The following PKIA variants were observed in gnomAD, a reference collection of about 807,000 sequenced individuals.
PKIA encodes the protein PKI-alpha.
A neutral mutation model predicts 7.6 loss-of-function variants in PKIA; 4 were observed. The observed-to-expected ratio is 0.52, with a 90% CI of 0.26 to 1.20. The LOEUF (loss-of-function observed/expected upper bound fraction) is 1.20. Ranked by LOEUF, PKIA falls within the 50% of genes most tolerant of loss-of-function variation. The probability of loss-of-function intolerance (pLI) is 0.13; values close to 1 mark genes in which losing one functional copy is unlikely to be tolerated. For synonymous variants in PKIA, 21 were observed against 30.7 expected (o/e 0.68, Z 1.04); for missense variants, 73 against 86.2 (o/e 0.85, Z 0.61).
intron 1 of PKIA, among the ~76,000 whole-genome samples, chr8:78,566,115 T>C (rs989525034): frequency 6.6e-6 from 1 of 152,102 alleles, no homozygotes; most frequent in Non-Finnish European, 1.5e-5. Context: ...GGAGAACTGC[T>C]GTTTTGAGAA....
chr8:78,565,684 G>A (rs1322680222), intron 1 of PKIA, among the ~76,000 whole-genome samples: 1 of 151,696 alleles, frequency 6.6e-6, no homozygotes, highest in African/African-American at 2.4e-5. Flanking sequence ...CAACCCTAAA[G>A]TAATTAGGGT....
intron 3 of PKIA, among the ~76,000 whole-genome samples, chr8:78,599,555 T>C (rs1808307019): frequency 6.6e-6 from 1 of 152,150 alleles, no homozygotes; most frequent in African/African-American, 2.4e-5. Context: ...GACTGGTCTT[T>C]TCAAATTCAG....
intron 1 of PKIA, among the ~76,000 whole-genome samples, chr8:78,545,701 G>A (rs1806804112): frequency 2.0e-5 from 3 of 152,066 alleles, no homozygotes; most frequent in African/African-American, 7.2e-5. Context: ...TTCTTGTCAA[G>A]GGAGATTTAA....
intron 1 of PKIA, among the ~76,000 whole-genome samples, chr8:78,529,866 G>A (rs1476453019): frequency 6.8e-6 from 1 of 146,746 alleles, no homozygotes; most frequent in Non-Finnish European, 1.5e-5. Flanking sequence ...GTTAAATCAA[G>A]AAGCAGAGAG....
chr8:78,571,830 G>A (rs756763759), intron 1 of PKIA, among the ~76,000 whole-genome samples: 1 of 152,032 alleles, frequency 6.6e-6, no homozygotes, highest in African/African-American at 2.4e-5. Context: ...TGCCTTTCAG[G>A]GTCATCACTG....
At chr8:78,568,808 AC>A (rs1183414764) in intron 1 of PKIA, among the ~76,000 whole-genome samples, 3 of 152,186 alleles carry the variant, frequency 2.0e-5, no homozygotes, top group South Asian at 4.2e-4. Flanking sequence ...CTCCAGTAAA[AC>A]CCTAATGAAA....
At chr8:78,560,630 G>A (rs1227691579) in intron 1 of PKIA, among the ~76,000 whole-genome samples, 1 of 152,158 alleles carries the variant, frequency 6.6e-6, no homozygotes, top group Non-Finnish European at 1.5e-5. Flanking sequence ...CAGATGGACT[G>A]TGAAGGGACA....
intron 1 of PKIA, among the ~76,000 whole-genome samples, chr8:78,523,985 A>T (rs1265589754): frequency 2.2e-4 from 28 of 126,962 alleles, no homozygotes; most frequent in African/African-American, 6.6e-4. Context: ...TATATTTATA[A>T]ATATATATAA....
intron 1 of PKIA, among the ~76,000 whole-genome samples, chr8:78,566,339 C>T (rs2118536141): frequency 6.6e-6 from 1 of 152,088 alleles, no homozygotes; most frequent in Middle Eastern, 3.4e-3. Flanking sequence ...TGAGTGATCT[C>T]TGAGTAGCAG....
chr8:78,584,905 T>C (rs1278543400), intron 2 of PKIA, among the ~76,000 whole-genome samples: 1 of 152,086 alleles, frequency 6.6e-6, no homozygotes, highest in African/African-American at 2.4e-5. Flanking sequence ...GATTAATGTT[T>C]ACCATTTTAA....
intron 1 of PKIA, among the ~76,000 whole-genome samples, chr8:78,536,228 T>C (rs1806518579): frequency 6.6e-6 from 1 of 152,108 alleles, no homozygotes; most frequent in Non-Finnish European, 1.5e-5. Flanking sequence ...TTTCTATTTA[T>C]AAATATATTT....
At chr8:78,589,837 A>C (rs1430383925) in intron 2 of PKIA, among the ~76,000 whole-genome samples, 1 of 152,180 alleles carries the variant, frequency 6.6e-6, no homozygotes, top group Non-Finnish European at 1.5e-5. Flanking sequence ...CTCATGAAGC[A>C]CTTCTGTTGT....
intron 2 of PKIA, among the ~76,000 whole-genome samples, chr8:78,588,918 A>C (rs890339451): frequency 6.6e-6 from 1 of 152,048 alleles, no homozygotes; most frequent in Admixed American, 6.6e-5. Context: ...AAGGAAAAAA[A>C]AAAAGAAAAG....
intron 1 of PKIA, among the ~76,000 whole-genome samples, chr8:78,528,856 T>C (rs913680333): frequency 2.6e-5 from 4 of 151,996 alleles, no homozygotes; most frequent in African/African-American, 9.7e-5. Context: ...GTGACATTTC[T>C]TTAGTGTTTT....
chr8:78,555,735 A>G (rs949734318), intron 1 of PKIA, among the ~76,000 whole-genome samples: 1 of 151,852 alleles, frequency 6.6e-6, no homozygotes, highest in Non-Finnish European at 1.5e-5. Flanking sequence ...GTGAGTGTCA[A>G]TGTGTGTGTG....
At chr8:78,583,325 A>G (rs1807866465) in intron 2 of PKIA, among the ~76,000 whole-genome samples, 1 of 152,134 alleles carries the variant, frequency 6.6e-6, no homozygotes, top group Non-Finnish European at 1.5e-5. Flanking sequence ...ATCAGATGGC[A>G]AGCAAATATT....
At chr8:78,570,572 A>T (rs551925851) in intron 1 of PKIA, among the ~76,000 whole-genome samples, 1 of 152,300 alleles carries the variant, frequency 6.6e-6, no homozygotes, top group South Asian at 2.1e-4. Context: ...TGATCATGTT[A>T]TGCAAATAAA....
chr8:78,519,693 G>A (rs1431405605), intron 1 of PKIA, among the ~76,000 whole-genome samples: 1 of 152,068 alleles, frequency 6.6e-6, no homozygotes, highest in Non-Finnish European at 1.5e-5. Context: ...TGTTTAAAAG[G>A]TAATATTAAG....
rs924261991 is a variant in PKIA at position 78,547,111 on chromosome 8, G to A, written c.-156-25700G>A. Among the ~76,000 whole-genome samples the A allele has an allele frequency of 2.6e-5, 4 of 151,348 alleles. No homozygotes were observed. The East Asian group carries it at 7.8e-4, about 30-fold the overall frequency. ...AACAAAAACAGTTTTGTTTTTTTTT[G>A]TTTGTTTGTTTTTTTGTGATTGGAG... On this transcript the variant is annotated intron_variant, in intron 1 of 3. Transcript: ENST00000396418.
Sources: allele counts gnomAD v4.1 joint callset (sites outside exome capture counted in the v4.1 genomes callset), GRCh38; gene constraint gnomAD v4.1.1; transcripts MANE v1.5; gene names NCBI Gene and HGNC (gene_info 2026-07-23, HGNC 2026-07-21).